NRG1: variants seen among roughly 807,000 people sequenced by gnomAD.
NRG1 encodes the protein pro-neuregulin-1, membrane-bound isoform.
A neutral mutation model predicts 63.8 loss-of-function variants in NRG1; 18 were observed. That is an observed-to-expected ratio of 0.28 (90% CI 0.19 to 0.42). The LOEUF (loss-of-function observed/expected upper bound fraction) is 0.42, where lower values mean the gene tolerates loss of function less well. Among genes scored for constraint, NRG1 ranks in the 10% least tolerant of loss-of-function variants. The probability of loss-of-function intolerance (pLI) is 1.00; values close to 1 mark genes in which losing one functional copy is unlikely to be tolerated. For synonymous variants in NRG1, 302 were observed against 301.3 expected, an observed-to-expected ratio of 1.00 and a Z score of -0.02; for missense variants, 762 against 814.7, an observed-to-expected ratio of 0.94 and a Z score of 0.79.
chr8:32,397,593 T>C (rs1021760202), intron 1 of NRG1, among the ~76,000 whole-genome samples: 5 of 151,982 alleles, frequency 3.3e-5, no homozygotes, highest in African/African-American at 9.7e-5. Context: ...TTTCCTCTAA[T>C]TGGGTGTGTG....
At chr8:32,140,259 A>AT (rs1020196261) in intron 1 of NRG1, among the ~76,000 whole-genome samples, 22 of 150,328 alleles carry the variant, frequency 1.5e-4, no homozygotes, top group East Asian at 1.2e-3. Context: ...GTGGTGTATC[A>AT]TTTTTTTTTA....
chr8:32,164,169 T>G (rs904784354), intron 1 of NRG1, among the ~76,000 whole-genome samples: 8 of 152,054 alleles, frequency 5.3e-5, no homozygotes, highest in African/African-American at 1.7e-4. Context: ...TTGTTTCTAC[T>G]CTTTTCATCT....
intron 1 of NRG1, among the ~76,000 whole-genome samples, chr8:32,082,329 A>G (rs1312370398): frequency 1.3e-5 from 2 of 151,898 alleles, no homozygotes; most frequent in Non-Finnish European, 2.9e-5. Flanking sequence ...CTGTTACCCA[A>G]TAGGTATTTT....
chr8:32,256,845 G>A lies in NRG1; in HGVS notation c.38-338983G>A, dbSNP rs537586326. ...GAGTTCTGCTGCTCTCTTCAGAGCC[G>A]GCAGGAAGGAATGTTTAAGTCTGCT... On this transcript the variant is annotated intron_variant, in intron 1 of 10. Transcript: ENST00000519301. Among the ~76,000 whole-genome samples the A allele has an allele frequency of 8.5e-5, 13 of 152,246 alleles. No individual in the cohort carries two copies. The South Asian group carries it at 1.0e-3, about 12-fold the overall frequency.
At chr8:32,540,272 A>C (rs938625597) in intron 1 of NRG1, among the ~76,000 whole-genome samples, 6 of 152,136 alleles carry the variant, frequency 3.9e-5, no homozygotes, top group Non-Finnish European at 7.4e-5. Context: ...GAGAAAATAT[A>C]TATTAAATTC....
chr8:32,681,427 A>G (rs892958827), intron 5 of NRG1, among the ~76,000 whole-genome samples: 1 of 152,040 alleles, frequency 6.6e-6, no homozygotes, highest in African/African-American at 2.4e-5. Flanking sequence ...TTATTAACTC[A>G]CTGTGCCCTT....
intron 1 of NRG1, among the ~76,000 whole-genome samples, chr8:32,427,532 C>A (rs575280200): frequency 1.6e-4 from 25 of 152,200 alleles, no homozygotes; most frequent in Non-Finnish European, 3.1e-4. Flanking sequence ...CTTGTGCCAA[C>A]AGCCTTGTCA....
At chr8:31,752,528 C>G (rs2131465867) in intron 1 of NRG1, among the ~76,000 whole-genome samples, 1 of 152,020 alleles carries the variant, frequency 6.6e-6, no homozygotes, top group East Asian at 1.9e-4. Flanking sequence ...CCAGTATATG[C>G]CAGATATCTG....
intron 1 of NRG1, among the ~76,000 whole-genome samples, chr8:31,776,228 G>A (rs1337793926): frequency 6.6e-6 from 1 of 152,174 alleles, no homozygotes; most frequent in African/African-American, 2.4e-5. Context: ...GAACCACTGG[G>A]CCATGTCCAT....
chr8:31,687,655 G>GTGTT (rs1325190531), intron 1 of NRG1, among the ~76,000 whole-genome samples: 1 of 152,228 alleles, frequency 6.6e-6, no homozygotes. Context: ...AGGGCTTAGA[G>GTGTT]TGTTTATTAG....
intron 5 of NRG1, among the ~76,000 whole-genome samples, chr8:32,674,153 A>G (rs1365016505): frequency 6.6e-6 from 1 of 152,168 alleles, no homozygotes; most frequent in Non-Finnish European, 1.5e-5. Context: ...TGTCTCATCA[A>G]TACAGTGCAG....
In NRG1 at chr8:31,640,256, G is replaced by A. The variant is rs1803608734; in HGVS notation, c.37+825G>A. ...ATCGAGGGAAAGGTGCACCCGCAGC[G>A]GCGGCAGCAGGGGGCACTCGACAGG... On this transcript the variant is annotated intron_variant, in intron 1 of 10. Coordinates refer to the NRG1 transcript ENST00000519301. The surrounding 1 kb of genome is among the most constrained non-coding windows in gnomAD (Gnocchi z 6.3). 1.7e-6 allele frequency: 2 copies of A among 1,143,180 alleles called. No individual in the cohort carries two copies. Among genetic ancestry groups the A allele is most frequent in the Admixed American group, 4.9e-5 (1 of 20,548 alleles). The allele number at this position is 1,143,180 out of a possible 1,614,324, so 70.8% of individuals were successfully genotyped here.
intron 5 of NRG1, among the ~76,000 whole-genome samples, chr8:32,678,238 A>G (rs1422232808): frequency 2.6e-5 from 4 of 152,156 alleles, no homozygotes; most frequent in Non-Finnish European, 5.9e-5. Context: ...GTCTCACTGG[A>G]TTTGTTTTCT....
chr8:32,229,055 G>A (rs1012037476), intron 1 of NRG1, among the ~76,000 whole-genome samples: 1 of 152,090 alleles, frequency 6.6e-6, no homozygotes. Flanking sequence ...TATAAAAAAA[G>A]CCTTCCTAAA....
At chr8:31,683,670 G>A (rs146847790) in intron 1 of NRG1, among the ~76,000 whole-genome samples, 346 of 152,214 alleles carry the variant, frequency 2.3e-3, no homozygotes, top group African/African-American at 8.1e-3. Flanking sequence ...CCCTGAGAGT[G>A]AATCCTAATA....
intron 6 of NRG1, among the ~76,000 whole-genome samples, chr8:32,729,283 G>A (rs1237639429): frequency 6.6e-6 from 1 of 151,862 alleles, no homozygotes; most frequent in African/African-American, 2.4e-5. Flanking sequence ...ATTTGATGTG[G>A]GCATAAAAAT....
chr8:32,173,440 C>A (rs1840312944), intron 1 of NRG1, among the ~76,000 whole-genome samples: 1 of 152,130 alleles, frequency 6.6e-6, no homozygotes, highest in East Asian at 1.9e-4. Context: ...CACTAACGAG[C>A]AAAATAACCA....
chr8:32,245,376 G>C (rs1455347511), intron 1 of NRG1, among the ~76,000 whole-genome samples: 2 of 152,054 alleles, frequency 1.3e-5, no homozygotes, highest in African/African-American at 2.4e-5. Context: ...TCACAGTTTG[G>C]TACAAATTAA....
chr8:31,801,155 G>A (rs1003662897), intron 1 of NRG1, among the ~76,000 whole-genome samples: 14 of 151,868 alleles, frequency 9.2e-5, no homozygotes, highest in African/African-American at 4.8e-5. Context: ...CCTCTCCAGT[G>A]TCCTATCTCA....
Sources: allele counts gnomAD v4.1 joint callset (sites outside exome capture counted in the v4.1 genomes callset), GRCh38; gene constraint gnomAD v4.1.1; non-coding constraint Gnocchi (gnomAD v3.1); transcripts MANE v1.5; gene names NCBI Gene and HGNC (gene_info 2026-07-23, HGNC 2026-07-21).